The following CPNE8 variants were observed in gnomAD, a reference collection of about 807,000 sequenced individuals.
CPNE8 encodes the protein copine 8.
Under a neutral mutation model 81.5 loss-of-function variants are expected in CPNE8, and 45 were observed. The observed-to-expected ratio is 0.55, with a 90% CI of 0.44 to 0.71. The LOEUF (loss-of-function observed/expected upper bound fraction) is 0.71, where lower values mean the gene tolerates loss of function less well. CPNE8 is among the 30% of genes least tolerant of loss of function. The pLI, the probability that CPNE8 is intolerant of heterozygous loss-of-function variation, is 0.00. For missense variants in CPNE8, 594 were observed against 672.1 expected, an observed-to-expected ratio of 0.88 and a Z score of 1.28; for synonymous variants, 252 against 226.3, an observed-to-expected ratio of 1.11 and a Z score of -1.02.
chr12:38,693,376 A>T lies in CPNE8; in HGVS notation c.1143+281T>A, dbSNP rs2029168. The stretch of plus-strand genomic sequence containing the variant: ...AAGCATAATAGAATGATATTGTTTG[A>T]TATCTCTAAGTTTTAGGAAGGTTTG... On this transcript the variant is annotated intron_variant, in intron 15 of 19. Coordinates refer to ENST00000331366, the MANE Select transcript of CPNE8 (RefSeq NM_153634.3). Among the ~76,000 whole-genome samples the T allele has an allele frequency of 4.2e-3, 636 of 152,214 alleles. 6 individuals carry two copies. Among genetic ancestry groups the T allele is most frequent in the African/African-American group, 0.014 (583 of 41,532 alleles).
At chr12:38,799,580 C>T (rs1251405680) in intron 6 of CPNE8, among the ~76,000 whole-genome samples, 8 of 152,008 alleles carry the variant, frequency 5.3e-5, no homozygotes, top group Non-Finnish European at 7.4e-5. Flanking sequence ...ACTAAATGCC[C>T]ACAAGAGAAA....
At chr12:38,693,129 A>T (rs887910593) in intron 15 of CPNE8, among the ~76,000 whole-genome samples, 5 of 152,198 alleles carry the variant, frequency 3.3e-5, no homozygotes, top group Admixed American at 2.0e-4. Flanking sequence ...ACATGAGCAA[A>T]GAAGTTATGT....
At chr12:38,776,367 A>G in intron 6 of CPNE8, 66 bp from the exon 7 acceptor site, 1 of 496,528 alleles carries the variant, frequency 2.0e-6, no homozygotes, top group Non-Finnish European at 3.1e-6. Context: ...ATATAAATTT[A>G]TATATCATGT....
At chr12:38,822,016 C>G (rs1459973291) in intron 6 of CPNE8, among the ~76,000 whole-genome samples, 1 of 152,156 alleles carries the variant, frequency 6.6e-6, no homozygotes, top group African/African-American at 2.4e-5. Flanking sequence ...GATTAAAGCT[C>G]TACTCTAGGC....
intron 6 of CPNE8, among the ~76,000 whole-genome samples, chr12:38,797,792 A>G (rs12581620): frequency 0.034 from 5,117 of 152,206 alleles, 275 homozygotes; most frequent in East Asian, 0.18. Context: ...AAGAAGTTAA[A>G]AACTTTGAAA....
chr12:38,833,368 A>AG (rs1268213501), intron 5 of CPNE8, among the ~76,000 whole-genome samples: 5 of 151,206 alleles, frequency 3.3e-5, no homozygotes, highest in South Asian at 4.2e-4. Context: ...AAAAAAAAAA[A>AG]AAAAGAAAAG....
intron 6 of CPNE8, among the ~76,000 whole-genome samples, chr12:38,784,959 C>G (rs1942144942): frequency 6.6e-6 from 1 of 152,128 alleles, no homozygotes; most frequent in Non-Finnish European, 1.5e-5. Flanking sequence ...CTTTGGGAGG[C>G]TGAGGTGGGC....
intron 6 of CPNE8, among the ~76,000 whole-genome samples, chr12:38,805,781 A>T (rs942375153): frequency 6.7e-5 from 10 of 149,588 alleles, no homozygotes; most frequent in Admixed American, 6.7e-4. Flanking sequence ...AAATAGAGAC[A>T]CAAAAAACCC....
intron 6 of CPNE8, among the ~76,000 whole-genome samples, chr12:38,782,506 A>C (rs548818112): frequency 2.0e-5 from 3 of 152,162 alleles, no homozygotes; most frequent in Non-Finnish European, 2.9e-5. Flanking sequence ...ATTTAGAGGA[A>C]AGAGGGCATA....
At chr12:38,786,478 C>T (rs1402304016) in intron 6 of CPNE8, among the ~76,000 whole-genome samples, 1 of 152,170 alleles carries the variant, frequency 6.6e-6, no homozygotes, top group Non-Finnish European at 1.5e-5. Context: ...CTGCTGGATA[C>T]TTCTTGCCCT....
At chr12:38,799,516 A>G (rs1409848186) in intron 6 of CPNE8, among the ~76,000 whole-genome samples, 2 of 152,184 alleles carry the variant, frequency 1.3e-5, no homozygotes, top group Non-Finnish European at 2.9e-5. Context: ...AAGACACAAC[A>G]TACCAGAATC....
chr12:38,890,240 A>G (rs1944295171), intron 1 of CPNE8, among the ~76,000 whole-genome samples: 2 of 152,148 alleles, frequency 1.3e-5, no homozygotes, highest in Non-Finnish European at 2.9e-5. Context: ...ACTTGATGTA[A>G]TCAGGGATGA....
At chr12:38,906,470 T>C (rs1944573131), upstream of CPNE8, 2 of 985,536 alleles carry the variant, frequency 2.0e-6, no homozygotes, top group Non-Finnish European at 2.4e-6. Flanking sequence ...CTCTTCTGGG[T>C]CCCTCGTTTC....
intron 6 of CPNE8, among the ~76,000 whole-genome samples, chr12:38,797,159 G>A (rs556872446): frequency 2.6e-5 from 4 of 152,126 alleles, no homozygotes; most frequent in African/African-American, 9.7e-5. Flanking sequence ...CTCTGCAGAC[G>A]TAAATGTCCC....
chr12:38,748,879 A>G (rs1941295676), intron 10 of CPNE8, among the ~76,000 whole-genome samples: 1 of 152,216 alleles, frequency 6.6e-6, no homozygotes, highest in Admixed American at 6.5e-5. Flanking sequence ...GGTAATATAT[A>G]TTAAAATATT....
chr12:38,664,071 GTTACCGTAGTTAATGA>G (rs1419796109), intron 19 of CPNE8, among the ~76,000 whole-genome samples: 1 of 152,010 alleles, frequency 6.6e-6, no homozygotes, highest in Non-Finnish European at 1.5e-5. Context: ...GCACTGTAGG[GTTACCGTAGTTAATGA>G]TTATTTATTG....
At chr12:38,898,895 G>T (rs201690286) in intron 1 of CPNE8, among the ~76,000 whole-genome samples, 30 of 152,242 alleles carry the variant, frequency 2.0e-4, no homozygotes, top group Admixed American at 1.6e-3. Context: ...AACTTGCAAA[G>T]GATATGCCAC....
chr12:38,670,763 G>C lies in CPNE8; in HGVS notation c.1472C>G (p.Ser491Cys). 6.2e-7 allele frequency: 1 copy of C among 1,609,790 alleles called. No individual in the cohort carries two copies. Among genetic ancestry groups the C allele is most frequent in the Non-Finnish European group, 8.5e-7 (1 of 1,177,620 alleles). Residue 491 changes from serine to cysteine, a missense_variant, in exon 19 of 20, where the codon TCT (serine) becomes TGT (cysteine). Transcript: ENST00000331366. ...GTCTCTTTCAGCATATTTTCCTCTA[G>C]AGGAGACTCTTACATCATCTCCATC... ...ELDGDDVRVS[S>C]RGKYAERDIV...
intron 1 of CPNE8, among the ~76,000 whole-genome samples, chr12:38,889,427 T>C (rs1944279833): frequency 6.6e-6 from 1 of 152,150 alleles, no homozygotes; most frequent in Non-Finnish European, 1.5e-5. Context: ...GTGAACATCA[T>C]GGTTTTCTCA....
Sources: allele counts gnomAD v4.1 joint callset (sites outside exome capture counted in the v4.1 genomes callset), GRCh38; gene constraint gnomAD v4.1.1; transcripts MANE v1.5; gene names NCBI Gene and HGNC (gene_info 2026-07-23, HGNC 2026-07-21).